The following TMEM68 variants were observed in gnomAD, a reference collection of about 807,000 sequenced individuals.
TMEM68 encodes transmembrane protein 68, also known as DGAT1/2-independent enzyme synthesizing storage lipids.
Under a neutral mutation model 36.9 loss-of-function variants are expected in TMEM68, and 25 were observed. The ratio of observed to expected loss-of-function variants is 0.68; its 90% confidence interval spans 0.49 to 0.95. The LOEUF is 0.95. TMEM68 is among the 40% of genes least tolerant of loss of function. The pLI is 0.00. For synonymous variants in TMEM68, 131 were observed against 124.4 expected (o/e 1.05, Z -0.35); for missense variants, 333 against 392.0 (o/e 0.85, Z 1.27).
intron 3 of TMEM68, chr8:55,762,099 A>AT (rs1810809342): frequency 6.6e-6 from 1 of 152,354 alleles, no homozygotes; most frequent in Admixed American, 6.5e-5. Context: ...AAATTTCTCG[A>AT]GTAATAAAGA....
In TMEM68 at chr8:55,767,094, CGTGT is replaced by C. The variant is rs1810990675; in HGVS notation, c.-114-3118_-114-3115del. Among the ~76,000 whole-genome samples the C allele has an allele frequency of 9.7e-5, 5 of 51,772 alleles. 1 individual carries two copies. Among genetic ancestry groups the C allele is most frequent in the Non-Finnish European group, 1.8e-4 (5 of 27,598 alleles). 34.0% of individuals were successfully genotyped at this position (51,772 alleles called of 152,430 possible). A position where few individuals can be genotyped will look rare whatever the true frequency, so the allele number is the denominator to read the frequency against. ...CCTAATAAGACTATCGTGAAGATTA[CGTGT>C]AAAAAAACCTAGCAAGTACTTAAAT... On this transcript the variant is annotated intron_variant, in intron 1 of 7. Transcript: ENST00000434581.
Position 55,743,512 on chromosome 8 carries a change from G to T in TMEM68, c.857C>A (p.Pro286Gln). Residue 286 changes from proline to glutamine, a missense_variant, in exon 7 of 8, where the codon CCA (proline) becomes CAA (glutamine). Coordinates refer to ENST00000434581, the MANE Select transcript of TMEM68 (RefSeq NM_001286657.2). ...TYLGDPIPYD[P>Q]QITAEELAEK... ...AGCTAATTCTTCCGCTGTTATCTGT[G>T]GGTCATACGGAATGGGGTCGCCTAA... The T allele has an allele frequency of 6.5e-7, 1 of 1,535,162 alleles. No individual in the cohort carries two copies. The highest frequency in any genetic ancestry group is 8.7e-7 in the Non-Finnish European group (1 of 1,146,426).
At chr8:55,760,829 A>G (rs1810767505) in intron 3 of TMEM68, 1 of 152,232 alleles carries the variant, frequency 6.6e-6, no homozygotes, top group East Asian at 1.9e-4. Flanking sequence ...TCCATATTAT[A>G]TCATTTCTTT....
At chr8:55,754,757 AATAC>A (rs1377386868) in intron 4 of TMEM68, among the ~76,000 whole-genome samples, 6 of 111,878 alleles carry the variant, frequency 5.4e-5, no homozygotes, top group South Asian at 2.6e-4. Context: ...TTATATATAA[AATAC>A]ATACATTATA....
intron 3 of TMEM68, among the ~76,000 whole-genome samples, chr8:55,759,220 G>C (rs1420543333): frequency 1.5e-5 from 2 of 133,934 alleles, no homozygotes; most frequent in East Asian, 4.4e-4. Context: ...AGGAGTTTAA[G>C]ATCAGCCTGG....
chr8:55,754,676 TGTA>T (rs1329257056), intron 4 of TMEM68, among the ~76,000 whole-genome samples: 8 of 103,838 alleles, frequency 7.7e-5, no homozygotes, highest in South Asian at 6.0e-4. Flanking sequence ...ACATATATTA[TGTA>T]ATATATATTA....
chr8:55,744,287 C>G lies in TMEM68; in HGVS notation c.749-667G>C, dbSNP rs2129911163. ...AAAGTGGTAGTAATATAAAAACAAACTGACAGACTAAATTTTTTTTTTTTT... is the reference window on the plus strand; with the variant it reads ...AAAGTGGTAGTAATATAAAAACAAAGTGACAGACTAAATTTTTTTTTTTTT... On this transcript the variant is annotated intron_variant, in intron 6 of 7. Coordinates refer to ENST00000434581, the MANE Select transcript of TMEM68 (RefSeq NM_001286657.2). 1.4e-4 allele frequency among the ~76,000 whole-genome samples: 3 copies of G among 20,870 alleles called. 1 individual carries two copies. Among genetic ancestry groups the G allele is most frequent in the Middle Eastern group, 0.042 (2 of 48 alleles). 13.7% of individuals were successfully genotyped at this position (20,870 alleles called of 152,430 possible). A position where few individuals can be genotyped will look rare whatever the true frequency, so the allele number is the denominator to read the frequency against.
At chr8:55,740,314 G>T in intron 7 of TMEM68, 96 bp from the exon 8 acceptor site, 1 of 854,016 alleles carries the variant, frequency 1.2e-6, no homozygotes, top group Non-Finnish European at 1.8e-6. Flanking sequence ...TTCCTTCTCA[G>T]TACACCTGAA....
intron 4 of TMEM68, among the ~76,000 whole-genome samples, chr8:55,754,250 A>G (rs1225333638): frequency 6.7e-6 from 1 of 150,094 alleles, no homozygotes; most frequent in African/African-American, 2.5e-5. Context: ...ACATGGTGAA[A>G]CCCTTCTCTA....
At chr8:55,747,874 A>G (rs954966636) in intron 5 of TMEM68, 1 of 152,194 alleles carries the variant, frequency 6.6e-6, no homozygotes, top group Non-Finnish European at 1.5e-5. Context: ...TGCATATACC[A>G]TTTGCCACTT....
rs755827027 is a variant in TMEM68 at position 55,756,430 on chromosome 8, G to A, written c.326-19C>T. 37 of 1,545,476 alleles carry A rather than the reference G, an allele frequency of 2.4e-5. No individual in the cohort carries two copies. The highest frequency in any genetic ancestry group is 3.1e-5 in the Non-Finnish European group (36 of 1,155,306). On this transcript the variant is annotated intron_variant, in intron 3 of 7. Transcript: ENST00000434581. ...TCATAACCTGTTTGAATGACAAAAT[G>A]CAAATACTTAAAATATATTCATTAA... is the stretch of plus-strand genomic sequence containing the variant.
In TMEM68 at chr8:55,750,995, C is replaced by G; in HGVS notation, c.656G>C (p.Gly219Ala). 6.2e-7 allele frequency: 1 copy of G among 1,612,644 alleles called. No homozygotes were observed. Among genetic ancestry groups the G allele is most frequent in the South Asian group, 1.1e-5 (1 of 90,754 alleles). ...TGCATCAATTGCAACCTGAGCAAAG[C>G]CTCTGCGATGACCCCATACGATGTT... is the stretch of plus-strand genomic sequence containing the variant. ...TYNIVWGHRR[G>A]FAQVAIDAKV... Residue 219 changes from glycine to alanine, a missense_variant, in exon 5 of 8, where the codon GGC (glycine) becomes GCC (alanine). Transcript: ENST00000434581.
chr8:55,770,984 T>C (rs1032377861), intron 1 of TMEM68, among the ~76,000 whole-genome samples: 1 of 152,040 alleles, frequency 6.6e-6, no homozygotes, highest in African/African-American at 2.4e-5. Context: ...GGAGAAACCC[T>C]GTTTCTACAA....
At chr8:55,767,360 C>T (rs975441155) in intron 1 of TMEM68, among the ~76,000 whole-genome samples, 2 of 151,940 alleles carry the variant, frequency 1.3e-5, no homozygotes, top group Non-Finnish European at 2.9e-5. Context: ...CATTATTATT[C>T]GCTTGCTTGT....
chr8:55,744,972 A>G (rs1419172434), intron 6 of TMEM68, 89 bp downstream of exon 6: 3 of 789,600 alleles, frequency 3.8e-6, no homozygotes, highest in Non-Finnish European at 5.6e-6. Context: ...TCTAAAGATA[A>G]TAATTCAAAA....
intron 1 of TMEM68, among the ~76,000 whole-genome samples, chr8:55,768,143 T>TA (rs75152350): frequency 0.017 from 2,308 of 139,184 alleles, 35 homozygotes; most frequent in African/African-American, 0.048. Flanking sequence ...GAGACAGCTT[T>TA]AAAAAAAAAA....
At chr8:55,761,011 T>A (rs546360655) in intron 3 of TMEM68, 1 of 152,278 alleles carries the variant, frequency 6.6e-6, no homozygotes, top group East Asian at 1.9e-4. Flanking sequence ...TTACAGAGTA[T>A]TTTTTTAAAT....
intron 1 of TMEM68, among the ~76,000 whole-genome samples, chr8:55,772,362 C>G (rs1018325254): frequency 6.6e-6 from 1 of 152,230 alleles, no homozygotes; most frequent in African/African-American, 2.4e-5. Flanking sequence ...ACTTTCAAGT[C>G]TGAGCTTGTC....
At chr8:55,755,864 T>C (rs145334028) in intron 4 of TMEM68, among the ~76,000 whole-genome samples, 1 of 152,028 alleles carries the variant, frequency 6.6e-6, no homozygotes, top group Non-Finnish European at 1.5e-5. Flanking sequence ...CACTACACAA[T>C]ATATGCATAT....
Sources: allele counts gnomAD v4.1 joint callset (sites outside exome capture counted in the v4.1 genomes callset), GRCh38; gene constraint gnomAD v4.1.1; transcripts MANE v1.5; gene names NCBI Gene and HGNC (gene_info 2026-07-23, HGNC 2026-07-21).